Variants in LURAP1L observed in about 807,000 individuals in gnomAD.
LURAP1L encodes the protein leucine rich adaptor protein 1-like.
A neutral mutation model predicts 13.8 loss-of-function variants in LURAP1L; 12 were observed. The ratio of observed to expected loss-of-function variants is 0.87; its 90% CI spans 0.56 to 1.41. The LOEUF (loss-of-function observed/expected upper bound fraction) is 1.41. Ranked by LOEUF, LURAP1L falls within the 40% of genes most tolerant of loss-of-function variation. The pLI, the probability that LURAP1L is intolerant of heterozygous loss-of-function variation, is 0.00. For missense variants in LURAP1L, 375 were observed against 292.9 expected (o/e 1.28, Z -2.04); for synonymous variants, 139 against 119.2 (o/e 1.17, Z -1.08).
At chr9:12,786,407 A>G (rs1819350818) in intron 1 of LURAP1L, among the ~76,000 whole-genome samples, 1 of 151,460 alleles carries the variant, frequency 6.6e-6, no homozygotes, top group African/African-American at 2.4e-5. Context: ...ATTCTTCAAT[A>G]TGAAAAAATT....
At chr9:12,786,547 C>CTATAT (rs1554657226) in intron 1 of LURAP1L, among the ~76,000 whole-genome samples, 79 of 53,030 alleles carry the variant, frequency 1.5e-3, no homozygotes, top group South Asian at 0.012. Flanking sequence ...ATATATATGA[C>CTATAT]ATATATATAT....
At chr9:12,807,252 C>A (rs1488699178) in intron 1 of LURAP1L, among the ~76,000 whole-genome samples, 1 of 151,428 alleles carries the variant, frequency 6.6e-6, no homozygotes, top group African/African-American at 2.4e-5. Flanking sequence ...GGCGACAGAG[C>A]GAGACTCCAT....
chr9:12,786,574 A>ATATG lies in LURAP1L; in HGVS notation c.312+10550_312+10551insGTAT, dbSNP rs1554657250. ...TATATATATATATATATATATATAT[A>ATATG]TATATATAAACCCTTGTGCCTTAAG... On this transcript the variant is annotated intron_variant, in intron 1 of 1. Transcript: ENST00000319264. Among the ~76,000 whole-genome samples, 35 of 128,770 alleles carry ATATG rather than the reference A, an allele frequency of 2.7e-4. 2 individuals are homozygous for ATATG. Among genetic ancestry groups the ATATG allele is most frequent in the Non-Finnish European group, 5.0e-4 (30 of 59,928 alleles). 84.5% of individuals were successfully genotyped at this position (128,770 alleles called of 152,430 possible).
At chr9:12,795,275 T>C (rs907688442) in intron 1 of LURAP1L, among the ~76,000 whole-genome samples, 1 of 152,038 alleles carries the variant, frequency 6.6e-6, no homozygotes, top group Non-Finnish European at 1.5e-5. Flanking sequence ...CACCACTGAT[T>C]ATTGTATATA....
intron 1 of LURAP1L, among the ~76,000 whole-genome samples, chr9:12,802,463 G>A (rs1586882944): frequency 6.6e-6 from 1 of 152,054 alleles, no homozygotes; most frequent in Non-Finnish European, 1.5e-5. Context: ...TTCTGCTCTG[G>A]CCACGTGAAA....
At chr9:12,796,743 G>T (rs1819516371) in intron 1 of LURAP1L, among the ~76,000 whole-genome samples, 1 of 151,854 alleles carries the variant, frequency 6.6e-6, no homozygotes, top group African/African-American at 2.4e-5. Context: ...CTCTCACATA[G>T]AGGCAAAGAA....
chr9:12,782,328 G>C (rs1044069409), intron 1 of LURAP1L, among the ~76,000 whole-genome samples: 9 of 152,152 alleles, frequency 5.9e-5, no homozygotes, highest in African/African-American at 2.2e-4. Context: ...AGAAGTCCTT[G>C]TCCAGAGCAA....
Position 12,775,459 on chromosome 9 carries a change from G to C in LURAP1L, c.-257G>C, listed in dbSNP as rs1437534368. ...GCAGTGAGGTGGCCAAAAAGAGAGAGAATGAGGAGATCTTGATCATCTTAG... is the reference window on the plus strand; with the variant it reads ...GCAGTGAGGTGGCCAAAAAGAGAGACAATGAGGAGATCTTGATCATCTTAG... On this transcript the variant is annotated 5_prime_UTR_variant, in exon 1 of 2. Coordinates refer to ENST00000319264, the MANE Select transcript of LURAP1L (RefSeq NM_203403.2). 3.3e-5 allele frequency: 15 copies of C among 449,468 alleles called. No individual in the cohort carries two copies. The Middle Eastern group carries it at 2.2e-3, about 67-fold the overall frequency. The allele number at this position is 449,468 out of a possible 1,614,324, so 27.8% of individuals were successfully genotyped here.
chr9:12,820,497 C>T lies in LURAP1L; in HGVS notation c.313-889C>T, dbSNP rs1258931362. Among the ~76,000 whole-genome samples the T allele has an allele frequency of 6.6e-5, 5 of 76,300 alleles. 1 individual carries two copies. Among genetic ancestry groups the T allele is most frequent in the African/African-American group, 2.6e-4 (5 of 19,084 alleles). 50.1% of individuals were successfully genotyped at this position (76,300 alleles called of 152,430 possible). ...CAGCCTGGACGACAGATCGAGACTC[C>T]GTCCCCCCCCCCCCCCCAAAAAAAA... On this transcript the variant is annotated intron_variant, in intron 1 of 1. Coordinates refer to ENST00000319264, the MANE Select transcript of LURAP1L (RefSeq NM_203403.2).
intron 1 of LURAP1L, among the ~76,000 whole-genome samples, chr9:12,817,930 A>G (rs956405198): frequency 1.3e-5 from 2 of 152,118 alleles, no homozygotes; most frequent in African/African-American, 4.8e-5. Flanking sequence ...AGCTCCTGGT[A>G]ATGGACCTGC....
intron 1 of LURAP1L, among the ~76,000 whole-genome samples, chr9:12,815,158 T>C (rs1819787257): frequency 6.6e-6 from 1 of 152,148 alleles, no homozygotes; most frequent in African/African-American, 2.4e-5. Flanking sequence ...AAAACACTGC[T>C]GGAAATTTTA....
intron 1 of LURAP1L, among the ~76,000 whole-genome samples, chr9:12,785,455 A>G (rs1819337337): frequency 6.6e-6 from 1 of 152,080 alleles, no homozygotes; most frequent in African/African-American, 2.4e-5. Context: ...CCTCCTTGAA[A>G]GGCCTAGGCT....
At chr9:12,789,245 T>G (rs1248549301) in intron 1 of LURAP1L, among the ~76,000 whole-genome samples, 1 of 152,080 alleles carries the variant, frequency 6.6e-6, no homozygotes, top group African/African-American at 2.4e-5. Flanking sequence ...ATTTAAATAA[T>G]GAGATGATAT....
intron 1 of LURAP1L, among the ~76,000 whole-genome samples, chr9:12,781,798 A>G (rs1164813735): frequency 1.3e-5 from 2 of 152,134 alleles, no homozygotes; most frequent in Non-Finnish European, 2.9e-5. Context: ...TGGATTATAT[A>G]TTAGTTCTAA....
At chr9:12,809,134 G>A (rs1819703045) in intron 1 of LURAP1L, among the ~76,000 whole-genome samples, 1 of 152,116 alleles carries the variant, frequency 6.6e-6, no homozygotes, top group Non-Finnish European at 1.5e-5. Context: ...TCATTATCAT[G>A]AGGAGGGCAC....
intron 1 of LURAP1L, among the ~76,000 whole-genome samples, chr9:12,789,813 C>T (rs1819414969): frequency 6.6e-6 from 1 of 152,112 alleles, no homozygotes; most frequent in Non-Finnish European, 1.5e-5. Context: ...AAGAAATAGT[C>T]TTTGCCCAGA....
At chr9:12,803,137 G>A (rs1470637824) in intron 1 of LURAP1L, among the ~76,000 whole-genome samples, 1 of 152,184 alleles carries the variant, frequency 6.6e-6, no homozygotes, top group Non-Finnish European at 1.5e-5. Context: ...TTATTGGGTA[G>A]GATAGAACCA....
chr9:12,811,997 C>T (rs1819743118), intron 1 of LURAP1L, among the ~76,000 whole-genome samples: 1 of 152,178 alleles, frequency 6.6e-6, no homozygotes, highest in Non-Finnish European at 1.5e-5. Context: ...GTCCAGAGAT[C>T]TCAGTTCCTT....
chr9:12,776,855 G>A (rs902618229), intron 1 of LURAP1L, among the ~76,000 whole-genome samples: 3 of 152,110 alleles, frequency 2.0e-5, no homozygotes, highest in Non-Finnish European at 2.9e-5. Context: ...TTTAGACTAA[G>A]ACACTATTTA....
Sources: allele counts gnomAD v4.1 joint callset (sites outside exome capture counted in the v4.1 genomes callset), GRCh38; gene constraint gnomAD v4.1.1; transcripts MANE v1.5; gene names NCBI Gene and HGNC (gene_info 2026-07-23, HGNC 2026-07-21).